Variants in WDR17 observed in about 807,000 individuals in gnomAD.
WDR17 encodes WD repeat-containing protein 17.
WDR17 carries 143 observed loss-of-function variants against 161.7 expected under a neutral mutation model. The ratio of observed to expected loss-of-function variants is 0.88; its 90% CI spans 0.77 to 1.02. WDR17 has a LOEUF of 1.02. Ranked by LOEUF, WDR17 falls within the 50% of genes least tolerant of loss-of-function variation. The pLI is 0.00. For missense variants in WDR17, 1,469 were observed against 1,520.9 expected (o/e 0.97, Z 0.57); for synonymous variants, 517 against 515.6 (o/e 1.00, Z -0.04).
At chr4:176,126,149 CAAG>C (rs1265191866) in intron 5 of WDR17, among the ~76,000 whole-genome samples, 1 of 152,200 alleles carries the variant, frequency 6.6e-6, no homozygotes. Context: ...GTTTATAACA[CAAG>C]AATTTTGTGG....
Position 176,151,834 on chromosome 4 carries a change from C to T in WDR17, c.2327C>T (p.Thr776Ile). 6.3e-7 allele frequency: 1 copy of T among 1,594,068 alleles called. No homozygotes were observed. The highest frequency in any genetic ancestry group is 8.5e-7 in the Non-Finnish European group (1 of 1,173,996). ...FRTSEAQELT[T>I]VKMSKFGGGI... ...CAGTCTGAAGCTCAAGAACTAACAA[C>T]AGTCAAGATGTCTAAATTTGGTGGT... Residue 776 changes from threonine (T) to isoleucine (I), a missense_variant, in exon 17 of 29, where the codon ACA becomes ATA. Transcript: ENST00000508596.
chr4:176,084,091 C>G (rs1295608569), intron 1 of WDR17, among the ~76,000 whole-genome samples: 1 of 151,650 alleles, frequency 6.6e-6, no homozygotes, highest in African/African-American at 2.4e-5. Flanking sequence ...AACATTTTCT[C>G]CCTTGCCTTT....
At chr4:176,139,719 C>G (rs924027392) in intron 9 of WDR17, among the ~76,000 whole-genome samples, 173 bp from the exon 10 acceptor site, 5 of 151,968 alleles carry the variant, frequency 3.3e-5, no homozygotes, top group African/African-American at 1.2e-4. Context: ...ATTGTGACAG[C>G]TTTAGACATT....
intron 1 of WDR17, among the ~76,000 whole-genome samples, chr4:176,087,748 G>A (rs1735599519): frequency 6.6e-6 from 1 of 151,930 alleles, no homozygotes; most frequent in African/African-American, 2.4e-5. Flanking sequence ...TGACTTTTGG[G>A]ATATCCAATC....
intron 13 of WDR17, among the ~76,000 whole-genome samples, chr4:176,149,058 G>A (rs1746663661): frequency 6.6e-6 from 1 of 152,052 alleles, no homozygotes; most frequent in Non-Finnish European, 1.5e-5. Flanking sequence ...CATATTTGTT[G>A]ATATTCGAAT....
chr4:176,163,159 T>G lies in WDR17; in HGVS notation c.2856T>G (p.Ala952=). 1 of 1,614,138 alleles carries G rather than the reference T, an allele frequency of 6.2e-7. No homozygotes were observed. Among genetic ancestry groups the G allele is most frequent in the Non-Finnish European group, 8.5e-7 (1 of 1,180,000 alleles). The change falls in exon 22 of 29, where the codon GCT becomes GCG. Residue 952 remains alanine, a synonymous_variant. Transcript: ENST00000508596. ...TTATTTTCTTATTGAGCAAGCTTGCTATGGCATACCTGATTCGCGGAAATG... is the reference window on the plus strand; with the variant it reads ...TTATTTTCTTATTGAGCAAGCTTGCGATGGCATACCTGATTCGCGGAAATG... The part of the protein sequence containing the change: ...CHLAIDNIEL[A]MAYLIRGNEL...
chr4:176,094,887 G>T (rs1023090894), intron 1 of WDR17, among the ~76,000 whole-genome samples: 1 of 152,130 alleles, frequency 6.6e-6, no homozygotes, highest in African/African-American at 2.4e-5. Flanking sequence ...TGGGGTGGTA[G>T]AAAGGAAAAC....
chr4:176,179,232 T>C (rs1345429394), intron 28 of WDR17, among the ~76,000 whole-genome samples: 2 of 152,230 alleles, frequency 1.3e-5, no homozygotes, highest in Non-Finnish European at 2.9e-5. Context: ...TAAACAATTC[T>C]ATTTTAACAG....
rs1052308285 is a variant in WDR17, at chr4:176,181,184, C to G, written c.*1605C>G. On this transcript the variant is annotated 3_prime_UTR_variant, in exon 29 of 29. Coordinates refer to ENST00000508596, the MANE Select transcript of WDR17 (RefSeq NM_181265.4). Reference sequence around the variant, plus strand: ...AAAAAGACATTACAGGCTTAAATTCCATTTTATTAAAAAAAAAAAATTGCC... The same window carrying G: ...AAAAAGACATTACAGGCTTAAATTCGATTTTATTAAAAAAAAAAAATTGCC... 8.1e-6 allele frequency: 1 copy of G among 123,228 alleles called. No individual in the cohort carries two copies. Among genetic ancestry groups the G allele is most frequent in the Non-Finnish European group, 1.8e-5 (1 of 55,030 alleles). The allele number at this position is 123,228 out of a possible 1,614,324, so 7.6% of individuals were successfully genotyped here. A position where few individuals can be genotyped will look rare whatever the true frequency, so the allele number is the denominator to read the frequency against.
chr4:176,123,755 A>G lies in WDR17; in HGVS notation c.539-1349A>G, dbSNP rs187065396. ...TCTGCTTCTTTTGGGTTTTTATAGA[A>G]GCTTTATTATATAGGCATATTGATT... is the stretch of plus-strand genomic sequence containing the variant. On this transcript the variant is annotated intron_variant, in intron 4 of 28. Transcript: ENST00000508596. 3.3e-5 allele frequency among the ~76,000 whole-genome samples: 5 copies of G among 152,262 alleles called. No homozygotes were observed. The East Asian group carries it at 9.7e-4, about 29-fold the overall frequency.
intron 18 of WDR17, 79 bp from the exon 19 acceptor site, chr4:176,159,915 C>T (rs911560305): frequency 7.4e-7 from 1 of 1,353,036 alleles, no homozygotes; most frequent in Non-Finnish European, 9.8e-7. Context: ...AAATTTTAGC[C>T]ATACTTTCAG....
intron 1 of WDR17, among the ~76,000 whole-genome samples, chr4:176,092,881 A>C (rs1217969171): frequency 6.6e-6 from 1 of 152,146 alleles, no homozygotes; most frequent in Non-Finnish European, 1.5e-5. Flanking sequence ...GTCTCTACTA[A>C]AAATACAAAA....
At position 176,125,227 on chromosome 4, in the gene WDR17, A is replaced by G; in HGVS notation, c.662A>G (p.His221Arg). The change falls in exon 5 of 29, where the codon CAT becomes CGT. Residue 221 changes from histidine (H) to arginine (R), a missense_variant. By Grantham distance (29) the His-to-Arg change is conservative. Transcript: ENST00000508596. ...STDYLLVVNL[H>R]YGIRLVDSES... is the part of the protein sequence containing the mutation. ...GATTATCTTCTAGTGGTTAATTTGCATTATGGAATTCGCCTGGTAGATTCT... is the reference window on the plus strand; with the variant it reads ...GATTATCTTCTAGTGGTTAATTTGCGTTATGGAATTCGCCTGGTAGATTCT... 1.2e-6 allele frequency: 2 copies of G among 1,614,148 alleles called. No individual in the cohort carries two copies. Among genetic ancestry groups the G allele is most frequent in the Non-Finnish European group, 1.7e-6 (2 of 1,180,016 alleles).
intron 22 of WDR17, among the ~76,000 whole-genome samples, chr4:176,167,243 T>G (rs1352397138): frequency 2.0e-5 from 3 of 152,112 alleles, no homozygotes; most frequent in Non-Finnish European, 4.4e-5. Flanking sequence ...GAAGATGAAG[T>G]GTAGGGTTTT....
chr4:176,167,879 G>C (rs867355482), intron 22 of WDR17, among the ~76,000 whole-genome samples: 1 of 151,344 alleles, frequency 6.6e-6, no homozygotes, highest in Non-Finnish European at 1.5e-5. Flanking sequence ...GGTCTCGGTG[G>C]CTCATGCCTG....
Position 176,161,000 on chromosome 4 carries a change from T to G in WDR17, c.2748T>G (p.Asn916Lys). The change falls in exon 20 of 29, where the codon AAT becomes AAG. Residue 916 changes from asparagine to lysine, a missense_variant and splice_region_variant. Physicochemically the swap from Asn to Lys is moderately conservative, Grantham distance 94 (BLOSUM62 0). Coordinates refer to ENST00000508596, the MANE Select transcript of WDR17 (RefSeq NM_181265.4). ...ATGATATCTACAAGGAAGACTTTAA[T>G]GAGTGAGTGATTTATTTGCTCTGGG... The part of the protein sequence containing the change: ...YSDDIYKEDF[N>K]ELLHKVSKEL... The G allele has an allele frequency of 6.2e-7, 1 of 1,606,058 alleles. No homozygotes were observed. The highest frequency in any genetic ancestry group is 1.1e-5 in the South Asian group (1 of 88,648).
chr4:176,069,320 G>T (rs1474360532), intron 1 of WDR17, among the ~76,000 whole-genome samples: 1 of 151,894 alleles, frequency 6.6e-6, no homozygotes, highest in Non-Finnish European at 1.5e-5. Flanking sequence ...GTATTGTTCA[G>T]TAAGCTGTCT....
chr4:176,073,951 T>G (rs550043552), intron 1 of WDR17, among the ~76,000 whole-genome samples: 2 of 150,468 alleles, frequency 1.3e-5, no homozygotes, highest in East Asian at 2.0e-4. Context: ...TTGATGGGGT[T>G]GTTTTTTTCT....
At position 176,146,013 on chromosome 4, in the gene WDR17, C is replaced by G; in HGVS notation, c.1548C>G (p.Gly516=). 1 of 1,613,504 alleles carries G rather than the reference C, an allele frequency of 6.2e-7. No homozygotes were observed. The highest frequency in any genetic ancestry group is 8.5e-7 in the Non-Finnish European group (1 of 1,179,624). ...ATTTCAGAGACATGATAGCCACTGG[C>G]TGTGAAGACACAAATGTTCGTGTTT... The part of the protein sequence containing the change: ...SQNNKDMIAT[G]CEDTNVRVYY... The change falls in exon 12 of 29, where the codon GGC becomes GGG. Residue 516 remains glycine, a synonymous_variant. Transcript: ENST00000508596.
Sources: allele counts gnomAD v4.1 joint callset (sites outside exome capture counted in the v4.1 genomes callset), GRCh38; gene constraint gnomAD v4.1.1; transcripts MANE v1.5; gene names NCBI Gene and HGNC (gene_info 2026-07-23, HGNC 2026-07-21).